CHRD: variants seen among roughly 807,000 people sequenced by gnomAD.
CHRD encodes chordin.
In CHRD, 69 loss-of-function variants were observed where a neutral mutation model predicts 113.7. The observed-to-expected ratio is 0.61, with a 90% CI of 0.50 to 0.74. CHRD has a LOEUF of 0.74. Ranked by LOEUF, CHRD falls within the 30% of genes least tolerant of loss-of-function variation. The pLI, the probability that CHRD is intolerant of heterozygous loss-of-function variation, is 0.00. For missense variants in CHRD, 1,194 were observed against 1,295.8 expected, an observed-to-expected ratio of 0.92 and a Z score of 1.21; for synonymous variants, 561 against 540.8, an observed-to-expected ratio of 1.04 and a Z score of -0.52.
rs771260089 is a variant in CHRD at position 184,387,487 on chromosome 3, C to G, written c.2451+10C>G. The G allele has an allele frequency of 6.3e-7, 1 of 1,595,346 alleles. No homozygotes were observed. The highest frequency in any genetic ancestry group is 8.5e-7 in the Non-Finnish European group (1 of 1,171,638). The stretch of plus-strand genomic sequence containing the variant: ...TGTCTGCACCTGCAAGGTATGGCCA[C>G]CCAATCTTCTCTGGTGCCATAACCC... On this transcript the variant is annotated intron_variant, in intron 19 of 22. Coordinates refer to ENST00000204604, the Ensembl canonical transcript of CHRD. The surrounding 1 kb of genome is among the most constrained non-coding windows in gnomAD (Gnocchi z 6.1).
In CHRD at chr3:184,381,086, T is replaced by G. The variant is rs1430378889; in HGVS notation, c.253-149T>G. 1 of 915,284 alleles carries G rather than the reference T, an allele frequency of 1.1e-6. No individual in the cohort carries two copies. Among genetic ancestry groups the G allele is most frequent in the Non-Finnish European group, 1.8e-6 (1 of 561,872 alleles). 56.7% of individuals were successfully genotyped at this position (915,284 alleles called of 1,614,324 possible). On this transcript the variant is annotated intron_variant, in intron 2 of 22. Transcript: ENST00000204604. This position sits in a 1 kb window ranked among gnomAD's most constrained non-coding sequence, Gnocchi z 4.7. ...ATCCCCATTTTCCAGACAGGGACCT[T>G]GAGGCCCAGAGAGATGAAGTAGCTT...
exon 23 of CHRD, chr3:184,389,674 C>A: frequency 1.9e-6 from 1 of 521,654 alleles, no homozygotes; most frequent in South Asian, 2.5e-5. Flanking sequence ...AGCCCCACCC[C>A]TTTCCTCCTG....
At chr3:184,386,352 A>ATGATTGTGGAGC in intron 15 of CHRD, 140 bp from the exon 16 acceptor site, 1 of 1,316,520 alleles carries the variant, frequency 7.6e-7, no homozygotes, top group Non-Finnish European at 1.0e-6. Flanking sequence ...GGCAGCTGAG[A>ATGATTGTGGAGC]TGATTGTGGA....
rs1716811104 is a variant in CHRD, at chr3:184,389,005, G to A, written c.2812+10G>A. 1 of 1,593,242 alleles carries A rather than the reference G, an allele frequency of 6.3e-7. No homozygotes were observed. The highest frequency in any genetic ancestry group is 8.6e-7 in the Non-Finnish European group (1 of 1,166,096). ...ACGGCCCACCGGCGGCGTAAGTGAG[G>A]GAGTCCAGGGTCAGCAGCTGTGAGT... is the stretch of plus-strand genomic sequence containing the variant. On this transcript the variant is annotated intron_variant, in intron 22 of 22. Coordinates refer to ENST00000204604, the Ensembl canonical transcript of CHRD.
rs767394438 is a variant in CHRD at position 184,382,398 on chromosome 3, G to T, written c.709G>T (p.Val237Leu). The T allele has an allele frequency of 1.9e-5, 31 of 1,614,006 alleles. 1 individual carries two copies. The Middle Eastern group carries it at 8.2e-4, about 43-fold the overall frequency. ...TGTCTCTCTGCTCCAGGTCTGTGGG[G>T]TGTGGCGGGCAGTGCCTCGGTTGTC... Residue 237 changes from valine to leucine, a missense_variant, in exon 7 of 23, where the codon GTG (valine) becomes TTG (leucine). Coordinates refer to ENST00000204604, the Ensembl canonical transcript of CHRD.
rs768867070 is a variant in CHRD at position 184,384,585 on chromosome 3, C to T, written c.1489C>T (p.Leu497=). ...GGGTGCCCGAGGGGCTCATATGCTG[C>T]TGCAGAATGAGCTCTTCCTGAACGT... Residue 497 remains leucine (L), a synonymous_variant, in exon 13 of 23, where the codon CTG becomes TTG. Transcript: ENST00000204604. The surrounding 1 kb of genome is among the most constrained non-coding windows in gnomAD (Gnocchi z 4.4). The T allele has an allele frequency of 2.8e-5, 45 of 1,607,010 alleles. No individual in the cohort carries two copies. Among genetic ancestry groups the T allele is most frequent in the Non-Finnish European group, 3.7e-5 (43 of 1,176,902 alleles).
At chr3:184,386,551 G>T in exon 16 of CHRD, 1 of 1,542,766 alleles carries the variant, frequency 6.5e-7, no homozygotes. Context: ...CCGGGGCCGA[G>T]GGGGTGCGGG....
At chr3:184,385,997 C>T (rs1181185120) in intron 14 of CHRD, 49 bp from the exon 15 acceptor site, 1 of 1,583,580 alleles carries the variant, frequency 6.3e-7, no homozygotes, top group East Asian at 2.2e-5. Context: ...GGACAGTAGG[C>T]TCAGCCCTAA....
At position 184,383,517 on chromosome 3, in the gene CHRD, C is replaced by T. The variant is rs759957967; in HGVS notation, c.1321-6C>T. On this transcript the variant is annotated splice_region_variant and splice_polypyrimidine_tract_variant and intron_variant, in intron 11 of 22. Coordinates refer to ENST00000204604, the Ensembl canonical transcript of CHRD. Reference sequence around the variant, plus strand: ...CACTTTGCCCTCCTCCATCCCTGCCCATCAGGTGCAAGTGGTAGGGACAAG... The same window carrying T: ...CACTTTGCCCTCCTCCATCCCTGCCTATCAGGTGCAAGTGGTAGGGACAAG... 2 of 1,613,680 alleles carry T rather than the reference C, an allele frequency of 1.2e-6. No individual in the cohort carries two copies. Among genetic ancestry groups the T allele is most frequent in the African/African-American group, 1.3e-5 (1 of 74,930 alleles).
rs148844783 is a variant in CHRD at position 184,382,144 on chromosome 3, C to T, written c.699+124C>T. ...AGGAAGGCACTGACATTATGATGCC[C>T]ATTTTACAGAAGGGGGAACTGAGGC... On this transcript the variant is annotated intron_variant, in intron 6 of 22. Coordinates refer to ENST00000204604, the Ensembl canonical transcript of CHRD. 9.3e-5 allele frequency: 126 copies of T among 1,354,700 alleles called. No homozygotes were observed. In the East Asian group the frequency reaches 3.0e-3, roughly 33 times the overall value. 83.9% of individuals were successfully genotyped at this position (1,354,700 alleles called of 1,614,324 possible).
chr3:184,386,501 G>A, exon 16 of CHRD: 1 of 1,539,142 alleles, frequency 6.5e-7, no homozygotes, highest in Non-Finnish European at 8.7e-7. Flanking sequence ...GGTGCACATA[G>A]CCAACCAATG....
chr3:184,389,039 C>A (rs749923711), intron 22 of CHRD, 44 bp downstream of exon 22: 39 of 1,374,818 alleles, frequency 2.8e-5, no homozygotes, highest in South Asian at 2.4e-4. Flanking sequence ...GTGGAGGGCT[C>A]ACCTGCCTGT....
Position 184,380,531 on chromosome 3 carries a change from G to C in CHRD, c.148+65G>C. On this transcript the variant is annotated intron_variant, in intron 1 of 22. Coordinates refer to ENST00000204604, the Ensembl canonical transcript of CHRD. The surrounding 1 kb of genome is among the most constrained non-coding windows in gnomAD (Gnocchi z 6.3). ...GCTCGGGGCGAGTCAGCGCCAGCCCGGAGGGGGCGCGGGGCGCAGGTGGCT... is the reference window on the plus strand; with the variant it reads ...GCTCGGGGCGAGTCAGCGCCAGCCCCGAGGGGGCGCGGGGCGCAGGTGGCT... 1 of 1,088,948 alleles carries C rather than the reference G, an allele frequency of 9.2e-7. No individual in the cohort carries two copies. The highest frequency in any genetic ancestry group is 1.1e-6 in the Non-Finnish European group (1 of 884,492). The allele number at this position is 1,088,948 out of a possible 1,614,324, so 67.5% of individuals were successfully genotyped here. A position where few individuals can be genotyped will look rare whatever the true frequency, so the allele number is the denominator to read the frequency against.
At position 184,388,596 on chromosome 3, in the gene CHRD, G is replaced by A; in HGVS notation, c.2564G>A (p.Gly855Glu). 4 of 1,610,672 alleles carry A rather than the reference G, an allele frequency of 2.5e-6. No homozygotes were observed. Among genetic ancestry groups the A allele is most frequent in the Non-Finnish European group, 3.4e-6 (4 of 1,179,898 alleles). ...CTTTCCCTCTCAACAGTGGGGTCGGGGGCCCACCCCCAGCTGGGGGACCCC... is the reference window on the plus strand; with the variant it reads ...CTTTCCCTCTCAACAGTGGGGTCGGAGGCCCACCCCCAGCTGGGGGACCCC... Residue 855 changes from glycine (G) to glutamate (E), a missense_variant, in exon 21 of 23, where the codon GGG becomes GAG. Transcript: ENST00000204604. This position sits in a 1 kb window ranked among gnomAD's most constrained non-coding sequence, Gnocchi z 6.1.
chr3:184,387,078 G>A lies in CHRD; in HGVS notation c.2318G>A (p.Gly773Glu). The change falls in exon 18 of 23, where the codon GGG becomes GAG. Residue 773 changes from glycine to glutamate, a missense_variant. Transcript: ENST00000204604. The surrounding 1 kb of genome is among the most constrained non-coding windows in gnomAD (Gnocchi z 6.1). ...AAACAAGATGTCAGAGACTTGCCAG[G>A]GCTGCCAAGGAGCCGGGACCCAGGA... The A allele has an allele frequency of 1.9e-6, 3 of 1,614,150 alleles. No homozygotes were observed. The highest frequency in any genetic ancestry group is 2.5e-6 in the Non-Finnish European group (3 of 1,180,010).
At position 184,382,807 on chromosome 3, in the gene CHRD, G is replaced by T. The variant is rs752385446; in HGVS notation, c.982+33G>T. The T allele has an allele frequency of 3.1e-6, 5 of 1,613,106 alleles. No homozygotes were observed. In the South Asian group the frequency reaches 4.4e-5, roughly 14 times the overall value. ...GGATGGGGGCAAAACACGTGAGAAG[G>T]TTAGGGAGAGCACCTGTCTCAGAAA... On this transcript the variant is annotated intron_variant, in intron 8 of 22. Coordinates refer to ENST00000204604, the Ensembl canonical transcript of CHRD.
rs776748999 is a variant in CHRD at position 184,381,514 on chromosome 3, G to T, written c.401G>T (p.Arg134Leu). 6.3e-7 allele frequency: 1 copy of T among 1,599,606 alleles called. No homozygotes were observed. Among genetic ancestry groups the T allele is most frequent in the Non-Finnish European group, 8.5e-7 (1 of 1,173,586 alleles). Reference sequence around the variant, plus strand: ...CCCGCAGAGCGCAGCAGTTCGGAGCGGCAGCCGAGCGGCCTGTCCTTCGAG... The same window carrying T: ...CCCGCAGAGCGCAGCAGTTCGGAGCTGCAGCCGAGCGGCCTGTCCTTCGAG... The change falls in exon 4 of 23, where the codon CGG becomes CTG. Residue 134 changes from arginine (R) to leucine (L), a missense_variant. Physicochemically the swap from Arg to Leu is moderately radical, Grantham distance 102 (BLOSUM62 -2). Coordinates refer to ENST00000204604, the Ensembl canonical transcript of CHRD. The surrounding 1 kb of genome is among the most constrained non-coding windows in gnomAD (Gnocchi z 4.7).
rs1351425074 is a variant in CHRD at position 184,386,478 on chromosome 3, G to C, written c.1933-14G>C. 3 of 1,536,974 alleles carry C rather than the reference G, an allele frequency of 2.0e-6. No homozygotes were observed. The highest frequency in any genetic ancestry group is 2.2e-5 in the Admixed American group (1 of 44,952). On this transcript the variant is annotated splice_polypyrimidine_tract_variant and intron_variant, in intron 15 of 22. Coordinates refer to ENST00000204604, the Ensembl canonical transcript of CHRD. ...GGGAGCCCCAGCGCTGCCTCAGTTG[G>C]CCTCTCCTCCCAGGTGCACATAGCC...
Position 184,386,039 on chromosome 3 carries a change from T to C in CHRD, c.1819-7T>C. 1.2e-6 allele frequency: 2 copies of C among 1,614,168 alleles called. No individual in the cohort carries two copies. The highest frequency in any genetic ancestry group is 1.7e-6 in the Non-Finnish European group (2 of 1,179,992). On this transcript the variant is annotated splice_region_variant and splice_polypyrimidine_tract_variant and intron_variant, in intron 14 of 22. Transcript: ENST00000204604. ...TTATTCCTATCCATTGTCCTGTCTA[T>C]GTGCAGGCCCAGGGTGTGGTGAAGG...
Sources: allele counts gnomAD v4.1 joint callset, GRCh38; gene constraint gnomAD v4.1.1; non-coding constraint Gnocchi (gnomAD v3.1); transcripts MANE v1.5; gene names NCBI Gene and HGNC (gene_info 2026-07-23, HGNC 2026-07-21).